CDKN2B-AS1: variants seen among roughly 807,000 people sequenced by gnomAD.
CDKN2B-AS1 encodes the protein CDKN2B antisense RNA 1 (non-protein coding).
At position 22,072,049 on chromosome 9, in the gene CDKN2B-AS1, G is replaced by A. The variant is rs537153809; in HGVS notation, n.438+15662G>A. On this transcript the variant is annotated intron_variant and non_coding_transcript_variant, in intron 4 of 4. Transcript: ENST00000650946. ...AAGGGACAGGGGAAAGTCCTGAGCA[G>A]TGCAGGTGGATTAAGAACTAAATAT... 1.8e-4 allele frequency among the ~76,000 whole-genome samples: 27 copies of A among 152,302 alleles called. 1 individual carries two copies. The highest frequency in any genetic ancestry group is 6.3e-4 in the African/African-American group (26 of 41,568).
rs747950273 is a variant in CDKN2B-AS1 at position 22,039,645 on chromosome 9, TA to T, written n.30-7099del. Among the ~76,000 whole-genome samples, 1 of 151,962 alleles carries T rather than the reference TA, an allele frequency of 6.6e-6. No homozygotes were observed. Among genetic ancestry groups the T allele is most frequent in the Admixed American group, 6.6e-5 (1 of 15,236 alleles). On this transcript the variant is annotated intron_variant and non_coding_transcript_variant, in intron 1 of 4. Transcript: ENST00000650946. This position sits in a 1 kb window ranked among gnomAD's most constrained non-coding sequence, Gnocchi z 4.4. ...TATTTGGATAATTTATATAGTCTCT[TA>T]AAAAAACAGATTATAGTAAGAAGTG...
chr9:22,061,417 A>C lies in CDKN2B-AS1; in HGVS notation n.438+5030A>C, dbSNP rs2131298893. 1.3e-5 allele frequency among the ~76,000 whole-genome samples: 2 copies of C among 152,324 alleles called. 1 individual carries two copies. Among genetic ancestry groups the C allele is most frequent in the South Asian group, 4.1e-4 (2 of 4,824 alleles). On this transcript the variant is annotated intron_variant and non_coding_transcript_variant, in intron 4 of 4. Coordinates refer to ENST00000650946, the Ensembl canonical transcript of CDKN2B-AS1. ...TCTGAGAACGAATTGTGTGTTTATA[A>C]GAAAGTGAGGGTTGAGCATCATGAA...
At chr9:22,088,716 G>A (rs1824950652) in intron 4 of CDKN2B-AS1, among the ~76,000 whole-genome samples, 1 of 152,156 alleles carries the variant, frequency 6.6e-6, no homozygotes, top group African/African-American at 2.4e-5. Context: ...CAGTGATATT[G>A]CCTTCCAGGA....
chr9:22,109,667 C>T (rs193255646), intron 4 of CDKN2B-AS1, among the ~76,000 whole-genome samples: 1 of 152,292 alleles, frequency 6.6e-6, no homozygotes, highest in African/African-American at 2.4e-5. Context: ...TCTGAAATTA[C>T]ATATGAGATG....
chr9:22,109,029 A>G (rs1035048745), intron 4 of CDKN2B-AS1, among the ~76,000 whole-genome samples: 1 of 152,144 alleles, frequency 6.6e-6, no homozygotes, highest in Non-Finnish European at 1.5e-5. Context: ...AATTTATGAG[A>G]TTATTTTTTT....
At chr9:22,003,774 T>C in intron 1 of CDKN2B-AS1, 1 of 232,352 alleles carries the variant, frequency 4.3e-6, no homozygotes, top group Non-Finnish European at 8.5e-6. Context: ...CTCCATATTG[T>C]TGACATTTTA....
At chr9:22,034,699 G>A (rs908227004) in intron 1 of CDKN2B-AS1, among the ~76,000 whole-genome samples, 1 of 151,790 alleles carries the variant, frequency 6.6e-6, no homozygotes, top group African/African-American at 2.4e-5. Flanking sequence ...TTCTATAGAG[G>A]TCCTGATAGT....
chr9:22,098,574 C>T (rs1320172801), intron 4 of CDKN2B-AS1, among the ~76,000 whole-genome samples: 1 of 152,148 alleles, frequency 6.6e-6, no homozygotes, highest in Non-Finnish European at 1.5e-5. Context: ...CATTCTATAG[C>T]ACAGGATGTT....
At chr9:22,080,126 C>T (rs188724334) in intron 4 of CDKN2B-AS1, among the ~76,000 whole-genome samples, 6 of 152,180 alleles carry the variant, frequency 3.9e-5, no homozygotes, top group Admixed American at 2.0e-4. Context: ...TCACCAAAGG[C>T]GTGAGCTGTT....
At chr9:22,067,525 AAC>A (rs67625583) in intron 4 of CDKN2B-AS1, among the ~76,000 whole-genome samples, 1 of 151,726 alleles carries the variant, frequency 6.6e-6, no homozygotes. Flanking sequence ...AAATAAAAAG[AAC>A]ACACACACAC....
At chr9:22,003,418 A>C (rs749548001) in intron 1 of CDKN2B-AS1, 9 of 226,108 alleles carry the variant, frequency 4.0e-5, no homozygotes, top group Non-Finnish European at 7.0e-5. Context: ...AAATGAAGTA[A>C]CATGTTTCAT....
intron 4 of CDKN2B-AS1, among the ~76,000 whole-genome samples, chr9:22,073,643 G>C (rs767579438): frequency 1.6e-4 from 24 of 152,122 alleles, no homozygotes; most frequent in Non-Finnish European, 2.9e-4. Flanking sequence ...ACTGCCTGCT[G>C]TTTTGACCCA....
At chr9:22,044,327 G>T (rs1203313428) in intron 1 of CDKN2B-AS1, among the ~76,000 whole-genome samples, 5 of 151,738 alleles carry the variant, frequency 3.3e-5, no homozygotes. Context: ...ATCCTAGTAG[G>T]ATATCCTAGA....
chr9:22,066,501 T>C lies in CDKN2B-AS1; in HGVS notation n.438+10114T>C, dbSNP rs186427089. The C allele has an allele frequency of 4.0e-4, 61 of 152,030 alleles. 1 individual carries two copies. Among genetic ancestry groups the C allele is most frequent in the African/African-American group, 1.3e-3 (54 of 41,514 alleles). The allele number at this position is 152,030 out of a possible 1,614,324, so 9.4% of individuals were successfully genotyped here. ...TGAGCCACTGCACTAAGCCAAAAACTCTTGTTCAAATTACATTTTCTGCCT... is the reference window on the plus strand; with the variant it reads ...TGAGCCACTGCACTAAGCCAAAAACCCTTGTTCAAATTACATTTTCTGCCT... On this transcript the variant is annotated intron_variant and non_coding_transcript_variant, in intron 4 of 4. Transcript: ENST00000650946.
intron 1 of CDKN2B-AS1, among the ~76,000 whole-genome samples, chr9:22,020,920 C>T (rs1298703282): frequency 6.6e-6 from 1 of 152,040 alleles, no homozygotes; most frequent in Non-Finnish European, 1.5e-5. Context: ...GATGCAATTG[C>T]TCTGTGTCTT....
intron 4 of CDKN2B-AS1, among the ~76,000 whole-genome samples, chr9:22,112,940 T>C (rs1352746053): frequency 6.6e-6 from 1 of 152,148 alleles, no homozygotes; most frequent in African/African-American, 2.4e-5. Context: ...ACTAGAAGGT[T>C]GGTACTGTGC....
chr9:22,103,918 G>A (rs1825572804), intron 4 of CDKN2B-AS1, among the ~76,000 whole-genome samples: 1 of 152,158 alleles, frequency 6.6e-6, no homozygotes, highest in African/African-American at 2.4e-5. Flanking sequence ...AACTCAGCCA[G>A]CATATCTGTA....
At chr9:22,090,952 G>A (rs1825059523) in intron 4 of CDKN2B-AS1, among the ~76,000 whole-genome samples, 1 of 152,030 alleles carries the variant, frequency 6.6e-6, no homozygotes, top group Non-Finnish European at 1.5e-5. Context: ...GGGTTTTTAT[G>A]GTTTTAGGTC....
rs1047630165 is a variant in CDKN2B-AS1, at chr9:22,000,862, A to T, written n.29+5701A>T. 6.6e-6 allele frequency among the ~76,000 whole-genome samples: 1 copy of T among 152,170 alleles called. No individual in the cohort carries two copies. Among genetic ancestry groups the T allele is most frequent in the African/African-American group, 2.4e-5 (1 of 41,446 alleles). ...CCGAAGAACAATGGATTATCCTTAC[A>T]TATTTGGTTTGGGATTACATTGAGA... On this transcript the variant is annotated intron_variant and non_coding_transcript_variant, in intron 1 of 4. Transcript: ENST00000650946. This position sits in a 1 kb window ranked among gnomAD's most constrained non-coding sequence, Gnocchi z 4.1.
Sources: allele counts gnomAD v4.1 joint callset (sites outside exome capture counted in the v4.1 genomes callset), GRCh38; gene constraint gnomAD v4.1.1; non-coding constraint Gnocchi (gnomAD v3.1); transcripts MANE v1.5; gene names NCBI Gene and HGNC (gene_info 2026-07-23, HGNC 2026-07-21).